The following COMMD1 variants were observed in gnomAD, a reference collection of about 807,000 sequenced individuals.
COMMD1 encodes the protein copper metabolism domain containing 1, also known as COMM domain-containing protein 1.
COMMD1 carries 10 observed loss-of-function variants against 17.2 expected under a neutral mutation model. That is an observed-to-expected ratio of 0.58 (90% CI 0.36 to 0.99). The LOEUF (loss-of-function observed/expected upper bound fraction) is 0.99, where lower values mean the gene tolerates loss of function less well. COMMD1 is among the 50% of genes least tolerant of loss of function. The pLI is 0.01. For synonymous variants in COMMD1, 97 were observed against 91.6 expected (o/e 1.06, Z -0.34); for missense variants, 270 against 231.8 (o/e 1.17, Z -1.07).
intron 1 of COMMD1, among the ~76,000 whole-genome samples, chr2:61,955,312 TTCTC>T (rs70946770): frequency 2.9e-4 from 42 of 145,394 alleles, no homozygotes; most frequent in East Asian, 1.9e-3. Context: ...CTCTCTCTCT[TTCTC>T]TCTCTCTCTC....
intron 1 of COMMD1, among the ~76,000 whole-genome samples, chr2:61,966,017 G>A (rs1248433230): frequency 1.3e-5 from 2 of 152,172 alleles, no homozygotes; most frequent in Admixed American, 6.5e-5. Context: ...TTATGTCTGA[G>A]CACAGTCATT....
intron 2 of COMMD1, among the ~76,000 whole-genome samples, chr2:62,042,169 C>T (rs1005101167): frequency 7.2e-5 from 11 of 152,230 alleles, no homozygotes; most frequent in Middle Eastern, 3.4e-3. Flanking sequence ...AGACACACAG[C>T]GCTGATTGGT....
intron 1 of COMMD1, among the ~76,000 whole-genome samples, chr2:61,931,048 G>A (rs1003679746): frequency 1.3e-5 from 2 of 151,978 alleles, no homozygotes; most frequent in African/African-American, 4.8e-5. Context: ...ATGGGGGCTC[G>A]TGCCTGTAAT....
intron 2 of COMMD1, among the ~76,000 whole-genome samples, chr2:62,122,335 A>G (rs1672771362): frequency 6.6e-6 from 1 of 152,110 alleles, no homozygotes; most frequent in African/African-American, 2.4e-5. Flanking sequence ...AAGTATCAAA[A>G]CTCGGGAGTC....
chr2:62,058,124 T>G (rs1220808879), intron 2 of COMMD1, among the ~76,000 whole-genome samples: 1 of 152,194 alleles, frequency 6.6e-6, no homozygotes, highest in Non-Finnish European at 1.5e-5. Flanking sequence ...GAGACTTACC[T>G]TCTGATTTAG....
At chr2:62,012,311 G>A (rs1420402454) in intron 2 of COMMD1, among the ~76,000 whole-genome samples, 3 of 110,812 alleles carry the variant, frequency 2.7e-5, no homozygotes, top group South Asian at 3.1e-4. Flanking sequence ...ACACACACAC[G>A]TGACCTTTGG....
At chr2:61,891,139 C>G (rs1033221950) in intron 1 of COMMD1, among the ~76,000 whole-genome samples, 11 of 152,098 alleles carry the variant, frequency 7.2e-5, no homozygotes, top group African/African-American at 2.7e-4. Flanking sequence ...GAGGGTTGAA[C>G]TAGATGATCT....
intron 1 of COMMD1, among the ~76,000 whole-genome samples, chr2:61,984,118 A>G (rs1047555025): frequency 6.6e-6 from 1 of 152,178 alleles, no homozygotes; most frequent in African/African-American, 2.4e-5. Flanking sequence ...TCTGCCTCCC[A>G]GGTTCAAGCG....
At chr2:62,042,220 TC>T (rs1304851544) in intron 2 of COMMD1, among the ~76,000 whole-genome samples, 3 of 152,120 alleles carry the variant, frequency 2.0e-5, no homozygotes, top group African/African-American at 7.2e-5. Context: ...GTTCTCCAAG[TC>T]CCCTACCCGA....
chr2:61,894,004 A>G (rs1669499337), intron 1 of COMMD1, among the ~76,000 whole-genome samples: 2 of 151,932 alleles, frequency 1.3e-5, no homozygotes, highest in Admixed American at 1.3e-4. Flanking sequence ...TAAAGGATGC[A>G]CTCTTATGAT....
intron 1 of COMMD1, among the ~76,000 whole-genome samples, chr2:61,932,382 T>C (rs1344596106): frequency 6.6e-6 from 1 of 152,260 alleles, no homozygotes; most frequent in Non-Finnish European, 1.5e-5. Context: ...CAGGCAGCTA[T>C]ATTCTGTGCT....
At chr2:62,122,207 G>A (rs1023495410) in intron 2 of COMMD1, among the ~76,000 whole-genome samples, 1 of 152,148 alleles carries the variant, frequency 6.6e-6, no homozygotes, top group African/African-American at 2.4e-5. Context: ...TTTGTTGGAT[G>A]TTTCTAAAAT....
At chr2:62,066,345 C>T (rs891955869) in intron 2 of COMMD1, among the ~76,000 whole-genome samples, 3 of 152,058 alleles carry the variant, frequency 2.0e-5, no homozygotes, top group African/African-American at 7.2e-5. Flanking sequence ...AATGAAAATG[C>T]CTAAACTCCC....
At chr2:61,990,061 C>T (rs920461001) in intron 1 of COMMD1, among the ~76,000 whole-genome samples, 8 of 151,940 alleles carry the variant, frequency 5.3e-5, no homozygotes, top group East Asian at 3.9e-4. Flanking sequence ...CAAGGTAAGG[C>T]GATAAAGGAA....
chr2:61,942,192 C>T (rs963952379), intron 1 of COMMD1, among the ~76,000 whole-genome samples: 1 of 152,082 alleles, frequency 6.6e-6, no homozygotes. Flanking sequence ...CAACCTCCGC[C>T]TCCTAGGTTC....
chr2:61,904,374 G>C (rs886528025), upstream of COMMD1, among the ~76,000 whole-genome samples: 2 of 152,216 alleles, frequency 1.3e-5, no homozygotes, highest in African/African-American at 4.8e-5. Flanking sequence ...AATGACTGTA[G>C]AGTGAGGAAA....
intron 1 of COMMD1, among the ~76,000 whole-genome samples, chr2:61,930,496 C>T (rs1258792780): frequency 6.6e-6 from 1 of 152,048 alleles, no homozygotes; most frequent in East Asian, 1.9e-4. Flanking sequence ...GCGGAGGTTG[C>T]AGTGAGCCGA....
At chr2:62,133,962 A>T (rs1445091646) in intron 2 of COMMD1, among the ~76,000 whole-genome samples, 2 of 151,956 alleles carry the variant, frequency 1.3e-5, no homozygotes, top group African/African-American at 2.4e-5. Flanking sequence ...TGGCTTTTTT[A>T]AATTTTTTAT....
intron 2 of COMMD1, among the ~76,000 whole-genome samples, chr2:62,135,509 G>A (rs977835916): frequency 5.9e-5 from 9 of 152,038 alleles, no homozygotes; most frequent in East Asian, 1.9e-4. Context: ...CCGCAACTGC[G>A]CCTGGCTAAT....
Sources: allele counts gnomAD v4.1 joint callset (sites outside exome capture counted in the v4.1 genomes callset), GRCh38; gene constraint gnomAD v4.1.1; transcripts MANE v1.5; gene names NCBI Gene and HGNC (gene_info 2026-07-23, HGNC 2026-07-21).